The following ELAVL2 variants were observed in gnomAD, a reference collection of about 807,000 sequenced individuals.
ELAVL2 encodes ELAV like RNA binding protein 2.
In ELAVL2, 4 loss-of-function variants were observed where a neutral mutation model predicts 34.6. That is an observed-to-expected ratio of 0.12 (90% CI 0.06 to 0.26). ELAVL2 has a LOEUF of 0.26. ELAVL2 is among the 10% of genes least tolerant of loss of function. The pLI, the probability that ELAVL2 is intolerant of heterozygous loss-of-function variation, is 1.00. For missense variants in ELAVL2, 432 were observed against 442.8 expected (o/e 0.98, Z 0.22); for synonymous variants, 193 against 154.8 (o/e 1.25, Z -1.83).
At chr9:23,739,697 T>C (rs1245721427) in intron 2 of ELAVL2, among the ~76,000 whole-genome samples, 1 of 152,060 alleles carries the variant, frequency 6.6e-6, no homozygotes, top group African/African-American at 2.4e-5. Flanking sequence ...GGAAAACAAG[T>C]TAACTGTGGT....
intron 3 of ELAVL2, among the ~76,000 whole-genome samples, chr9:23,723,420 G>C (rs1217610504): frequency 1.3e-5 from 2 of 151,982 alleles, no homozygotes; most frequent in African/African-American, 4.8e-5. Context: ...GGGGACTGTT[G>C]TGGGGACGGG....
In ELAVL2 at chr9:23,784,549, A is replaced by G. The variant is rs80117924; in HGVS notation, c.-15-22300T>C. 9.9e-3 allele frequency among the ~76,000 whole-genome samples: 1,510 copies of G among 152,264 alleles called. 24 individuals carry two copies. Among genetic ancestry groups the G allele is most frequent in the African/African-American group, 0.035 (1,451 of 41,556 alleles). The stretch of plus-strand genomic sequence containing the variant: ...ATAAGACATAATTTGTACCCTGAGG[A>G]ATGTCATCCTAGGGATGCAATTACA... On this transcript the variant is annotated intron_variant, in intron 1 of 6. Transcript: ENST00000397312.
chr9:23,847,297 T>C, the ELAVL2 span: 2 of 152,050 alleles, frequency 1.3e-5, no homozygotes, highest in Admixed American at 6.6e-5. Flanking sequence ...GCCCTGGATA[T>C]GGTACAAAGG....
intron 2 of ELAVL2, among the ~76,000 whole-genome samples, chr9:23,760,339 C>G (rs1352733720): frequency 6.6e-6 from 1 of 151,902 alleles, no homozygotes; most frequent in Non-Finnish European, 1.5e-5. Context: ...GTTCATGCAT[C>G]TTTCTTTTTA....
chr9:23,720,879 T>A (rs1359240631), intron 3 of ELAVL2, among the ~76,000 whole-genome samples: 1 of 152,202 alleles, frequency 6.6e-6, no homozygotes, highest in Non-Finnish European at 1.5e-5. Flanking sequence ...TCAGTCTCTC[T>A]CTGCAGATAA....
rs991280587 is a variant in ELAVL2 at position 23,705,063 on chromosome 9, A to G, written c.342T>C (p.Tyr114=). The stretch of plus-strand genomic sequence containing the variant: ...TGATAGAAGCTGAACTTGGGCGAGC[A>G]TAGGAAACCTGGAAAAGGAAAATAA... The part of the protein sequence containing the change: ...RLQTKTIKVS[Y]ARPSSASIRD... The change falls in exon 4 of 7, where the codon TAT becomes TAC. Residue 114 remains tyrosine, a synonymous_variant. Coordinates refer to ENST00000397312, the MANE Select transcript of ELAVL2 (RefSeq NM_004432.5). 1.2e-6 allele frequency: 2 copies of G among 1,614,012 alleles called. No individual in the cohort carries two copies. Among genetic ancestry groups the G allele is most frequent in the African/African-American group, 2.7e-5 (2 of 74,920 alleles).
At chr9:23,820,152 G>C (rs753879285) in intron 1 of ELAVL2, among the ~76,000 whole-genome samples, 2 of 152,176 alleles carry the variant, frequency 1.3e-5, no homozygotes. Flanking sequence ...AACGATTCTT[G>C]AGAAAACTCT....
intron 3 of ELAVL2, among the ~76,000 whole-genome samples, chr9:23,710,888 C>T (rs2040751155): frequency 1.3e-5 from 2 of 152,056 alleles, no homozygotes; most frequent in South Asian, 2.1e-4. Flanking sequence ...AAAATGAGCT[C>T]AGAAGTATAG....
chr9:23,696,598 A>G (rs1257362913), intron 5 of ELAVL2, among the ~76,000 whole-genome samples: 1 of 152,140 alleles, frequency 6.6e-6, no homozygotes, highest in Admixed American at 6.5e-5. Context: ...CCTCTCGAGT[A>G]GCTGGGACTA....
intron 2 of ELAVL2, among the ~76,000 whole-genome samples, chr9:23,753,457 T>A (rs1391715553): frequency 1.3e-5 from 2 of 152,098 alleles, no homozygotes; most frequent in Non-Finnish European, 2.9e-5. Context: ...TGGCCAAAGC[T>A]GTGTCATAGT....
chr9:23,784,264 C>T (rs1401442134), intron 1 of ELAVL2, among the ~76,000 whole-genome samples: 1 of 152,040 alleles, frequency 6.6e-6, no homozygotes, highest in Admixed American at 6.6e-5. Context: ...ACTAAGGGAA[C>T]TTAGTGGGAG....
chr9:23,742,503 TAAG>T (rs2049475707), intron 2 of ELAVL2, among the ~76,000 whole-genome samples: 1 of 152,152 alleles, frequency 6.6e-6, no homozygotes, highest in Non-Finnish European at 1.5e-5. Context: ...GCTGAGTCAT[TAAG>T]AAGGGAATAT....
In ELAVL2 at chr9:23,718,348, C is replaced by G. The variant is rs1454270448; in HGVS notation, c.333+12674G>C. Among the ~76,000 whole-genome samples the G allele has an allele frequency of 2.6e-5, 4 of 152,068 alleles. No homozygotes were observed. The East Asian group carries it at 7.7e-4, about 29-fold the overall frequency. ...TATCCAAGATTTAGTGTTTTGGGCC[C>G]TGATTTGACACAATTATCAGGGATC... On this transcript the variant is annotated intron_variant, in intron 3 of 6. Coordinates refer to ENST00000397312, the MANE Select transcript of ELAVL2 (RefSeq NM_004432.5).
At chr9:23,744,397 A>C (rs1314489192) in intron 2 of ELAVL2, among the ~76,000 whole-genome samples, 1 of 152,186 alleles carries the variant, frequency 6.6e-6, no homozygotes, top group East Asian at 1.9e-4. Context: ...TGCTGTCAAG[A>C]GTTTTCCTAT....
chr9:23,763,250 T>G (rs1469323662), intron 1 of ELAVL2, among the ~76,000 whole-genome samples: 2 of 152,144 alleles, frequency 1.3e-5, no homozygotes, highest in Non-Finnish European at 2.9e-5. Flanking sequence ...GGCCTCAAAC[T>G]GTTCAGGCTA....
At chr9:23,800,760 G>C (rs2061480843) in intron 1 of ELAVL2, among the ~76,000 whole-genome samples, 1 of 152,108 alleles carries the variant, frequency 6.6e-6, no homozygotes, top group Admixed American at 6.5e-5. Flanking sequence ...AATTTAGTTT[G>C]GGAAAACAGA....
intron 1 of ELAVL2, among the ~76,000 whole-genome samples, chr9:23,773,257 G>T (rs922367301): frequency 6.6e-6 from 1 of 152,134 alleles, no homozygotes; most frequent in African/African-American, 2.4e-5. Context: ...TATAGAACAG[G>T]TAAGGCCCTT....
chr9:23,743,569 T>C (rs2049799155), intron 2 of ELAVL2, among the ~76,000 whole-genome samples: 1 of 152,172 alleles, frequency 6.6e-6, no homozygotes, highest in South Asian at 2.1e-4. Flanking sequence ...CTTTAAAGTA[T>C]ATTAAAAACG....
intron 2 of ELAVL2, among the ~76,000 whole-genome samples, chr9:23,743,857 T>C (rs754569161): frequency 6.6e-6 from 1 of 152,210 alleles, no homozygotes; most frequent in Non-Finnish European, 1.5e-5. Flanking sequence ...TATTCACATA[T>C]CTGAGACCCA....
Sources: allele counts gnomAD v4.1 joint callset (sites outside exome capture counted in the v4.1 genomes callset), GRCh38; gene constraint gnomAD v4.1.1; transcripts MANE v1.5; gene names NCBI Gene and HGNC (gene_info 2026-07-23, HGNC 2026-07-21).